The following CLCA4 variants were observed in gnomAD, a reference collection of about 807,000 sequenced individuals.
CLCA4 encodes chloride channel accessory 4.
CLCA4 carries 69 observed loss-of-function variants against 78.9 expected under a neutral mutation model. That is an observed-to-expected ratio of 0.87 (90% CI 0.72 to 1.07). CLCA4 has a LOEUF of 1.07. Ranked by LOEUF, CLCA4 falls within the 50% of genes least tolerant of loss-of-function variation. CLCA4 has a pLI of 0.00. For missense variants in CLCA4, 1,133 were observed against 1,095.8 expected (o/e 1.03, Z -0.48); for synonymous variants, 362 against 375.8 (o/e 0.96, Z 0.42).
intron 9 of CLCA4, chr1:86,572,979 T>C: frequency 2.5e-6 from 1 of 398,460 alleles, no homozygotes; most frequent in South Asian, 2.8e-5. Context: ...CATTACAATG[T>C]TATAATGTCA....
chr1:86,560,467 C>A, intron 3 of CLCA4, 109 bp downstream of exon 3: 1 of 1,083,528 alleles, frequency 9.2e-7, no homozygotes, highest in Non-Finnish European at 1.3e-6. Context: ...CAAATCCTGG[C>A]TCCCCTACTT....
rs569702170 is a variant in CLCA4 at position 86,568,037 on chromosome 1, T to C, written c.1182+386T>C. On this transcript the variant is annotated intron_variant, in intron 7 of 13. Coordinates refer to ENST00000370563, the MANE Select transcript of CLCA4 (RefSeq NM_012128.4). Reference sequence around the variant, plus strand: ...GATTCTACTTCAAGCTAGTTCTCATTTGAGTTTCTGTAACATTCAGCTAGG... The same window carrying C: ...GATTCTACTTCAAGCTAGTTCTCATCTGAGTTTCTGTAACATTCAGCTAGG... 6.6e-4 allele frequency among the ~76,000 whole-genome samples: 101 copies of C among 152,094 alleles called. 2 individuals carry two copies. The South Asian group carries it at 8.7e-3, about 13-fold the overall frequency.
intron 1 of CLCA4, among the ~76,000 whole-genome samples, chr1:86,550,814 G>A (rs1649632691): frequency 6.6e-6 from 1 of 150,612 alleles, no homozygotes; most frequent in African/African-American, 2.4e-5. Context: ...AGATAATAAG[G>A]TCTAGGGAGG....
In CLCA4 at chr1:86,575,416, T is replaced by C. The variant is rs1409665716; in HGVS notation, c.1768T>C (p.Ser590Pro). Residue 590 changes from serine to proline, a missense_variant, in exon 11 of 14, where the codon TCT becomes CCT. Transcript: ENST00000370563. ...AGTAACTTCTCGAGCAGCAAATTCTTCTGTGCCTCCAATCACAGTGAATGC... is the reference window on the plus strand; with the variant it reads ...AGTAACTTCTCGAGCAGCAAATTCTCCTGTGCCTCCAATCACAGTGAATGC... ...ITVTSRAANS[S>P]VPPITVNAKM... 1 of 1,613,454 alleles carries C rather than the reference T, an allele frequency of 6.2e-7. No homozygotes were observed. The highest frequency in any genetic ancestry group is 1.7e-5 in the Admixed American group (1 of 59,946).
At chr1:86,547,763 C>T (rs1012322921) in intron 1 of CLCA4, among the ~76,000 whole-genome samples, 2 of 152,110 alleles carry the variant, frequency 1.3e-5, no homozygotes, top group Non-Finnish European at 2.9e-5. Context: ...ATAATGTCCT[C>T]CATGCTCATC....
chr1:86,559,836 G>A (rs1649959736), intron 1 of CLCA4, 96 bp from the exon 2 acceptor site: 4 of 944,820 alleles, frequency 4.2e-6, no homozygotes, highest in Admixed American at 2.4e-5. Context: ...TTGCTTTTCT[G>A]TCCACTCTTA....
intron 4 of CLCA4, among the ~76,000 whole-genome samples, chr1:86,564,355 A>G (rs1342903323): frequency 6.6e-6 from 1 of 152,128 alleles, no homozygotes; most frequent in Non-Finnish European, 1.5e-5. Context: ...CTAATGTGAG[A>G]ACTGAAAGGT....
intron 12 of CLCA4, among the ~76,000 whole-genome samples, chr1:86,578,429 AT>A (rs1202806675): frequency 1.3e-5 from 2 of 151,826 alleles, no homozygotes; most frequent in African/African-American, 4.8e-5. Context: ...CCCAATAGTT[AT>A]TTTTTCTGAC....
chr1:86,573,647 A>C (rs709803), intron 9 of CLCA4, among the ~76,000 whole-genome samples: 107,835 of 151,804 alleles, frequency 0.71, 38,676 homozygotes, highest in South Asian at 0.85. Flanking sequence ...TGCAGATATA[A>C]CCTGCAAACA....
At chr1:86,562,579 G>C (rs767207406) in intron 3 of CLCA4, among the ~76,000 whole-genome samples, 8 of 151,306 alleles carry the variant, frequency 5.3e-5, no homozygotes, top group Non-Finnish European at 1.2e-4. Flanking sequence ...TGACGGCTGG[G>C]CAAGGTGGCT....
chr1:86,580,305 CT>C lies in CLCA4; in HGVS notation c.2721del (p.Val908LeufsTer2), dbSNP rs752871417. The C allele has an allele frequency of 6.2e-7, 1 of 1,605,590 alleles. No individual in the cohort carries two copies. Among genetic ancestry groups the C allele is most frequent in the Non-Finnish European group, 8.5e-7 (1 of 1,177,302 alleles). Reference sequence around the variant, plus strand: ...ACGCTGGTATTGTCTGTGATTGGGTCTGTTGTAATTGTTAACTTTATTTTAA... The same window carrying C: ...ACGCTGGTATTGTCTGTGATTGGGTCGTTGTAATTGTTAACTTTATTTTAA... ...ISTLVLSVIGSVVIVNFILST... is the reference protein window; with the variant it reads ...ISTLVLSVIGXVVIVNFILST... On this transcript the variant is annotated frameshift_variant, in exon 14 of 14. Transcript: ENST00000370563. LOFTEE classifies it low-confidence loss of function (END_TRUNC).
intron 9 of CLCA4, 116 bp downstream of exon 9, chr1:86,572,836 C>A (rs1488930182): frequency 1.4e-6 from 1 of 705,548 alleles, no homozygotes. Flanking sequence ...TAATTAAAAT[C>A]TAAACTTTAA....
At chr1:86,562,217 A>G (rs987675451) in intron 3 of CLCA4, among the ~76,000 whole-genome samples, 2 of 152,240 alleles carry the variant, frequency 1.3e-5, no homozygotes, top group African/African-American at 4.8e-5. Context: ...TAAGGTGGGC[A>G]TGGGAGGCAG....
intron 11 of CLCA4, among the ~76,000 whole-genome samples, chr1:86,576,357 G>C (rs1650521946): frequency 6.6e-6 from 1 of 151,788 alleles, no homozygotes; most frequent in African/African-American, 2.4e-5. Context: ...TAGAGAAAAG[G>C]TCAACAAAAG....
In CLCA4 at chr1:86,579,948, G is replaced by C. The variant is rs374250322; in HGVS notation, c.2363G>C (p.Arg788Pro). The change falls in exon 14 of 14, where the codon CGT (arginine) becomes CCT (proline). Residue 788 changes from arginine (R) to proline (P), a missense_variant. Arg to Pro is a moderately radical substitution (Grantham distance 103). Coordinates refer to ENST00000370563, the MANE Select transcript of CLCA4 (RefSeq NM_012128.4). ...TGTAACTTTTTTTTCTCAGTTCAAC[G>C]TTATATCATAAGAATAAGTGCAAGT... ...GDNFDVGKVQ[R>P]YIIRISASIL... The C allele has an allele frequency of 1.3e-6, 2 of 1,576,658 alleles. No individual in the cohort carries two copies. Among genetic ancestry groups the C allele is most frequent in the South Asian group, 1.2e-5 (1 of 85,866 alleles).
intron 12 of CLCA4, 30 bp from the exon 13 acceptor site, chr1:86,579,324 C>T (rs1650631495): frequency 6.6e-7 from 1 of 1,525,280 alleles, no homozygotes; most frequent in Non-Finnish European, 9.1e-7. Context: ...GTAGTTTTGC[C>T]CATTATAAAC....
intron 7 of CLCA4, among the ~76,000 whole-genome samples, chr1:86,570,724 A>G (rs1392000755): frequency 6.6e-6 from 1 of 152,070 alleles, no homozygotes; most frequent in Non-Finnish European, 1.5e-5. Context: ...AGTCCAGTCA[A>G]AGAAAACATA....
At position 86,547,289 on chromosome 1, in the gene CLCA4, A is replaced by C; in HGVS notation, c.159+11A>C. The C allele has an allele frequency of 6.4e-7, 1 of 1,552,876 alleles. No individual in the cohort carries two copies. Among genetic ancestry groups the C allele is most frequent in the Non-Finnish European group, 8.7e-7 (1 of 1,152,730 alleles). Reference sequence around the variant, plus strand: ...ATTGAACAAATAGAGGTAAGAACAAAATGGAATATCTTTCATTAATTTTTA... The same window carrying C: ...ATTGAACAAATAGAGGTAAGAACAACATGGAATATCTTTCATTAATTTTTA... On this transcript the variant is annotated intron_variant, in intron 1 of 13. Coordinates refer to ENST00000370563, the MANE Select transcript of CLCA4 (RefSeq NM_012128.4).
rs773749067 is a variant in CLCA4, at chr1:86,567,604, C to T, written c.1135C>T (p.Pro379Ser). The T allele has an allele frequency of 1.1e-5, 17 of 1,612,806 alleles. No homozygotes were observed. Among genetic ancestry groups the T allele is most frequent in the Non-Finnish European group, 1.4e-5 (17 of 1,179,252 alleles). The change falls in exon 7 of 14, where the codon CCT (proline) becomes TCT (serine). Residue 379 changes from proline to serine, a missense_variant. Transcript: ENST00000370563. Reference sequence around the variant, plus strand: ...ACTCATGGCAGGATTACCTACATATCCTCTGGGAGGAACTTCCATCTGCTC... The same window carrying T: ...ACTCATGGCAGGATTACCTACATATTCTCTGGGAGGAACTTCCATCTGCTC... Reference protein sequence around the residue: ...NTLMAGLPTYPLGGTSICSGI... With the variant: ...NTLMAGLPTYSLGGTSICSGI...
Sources: allele counts gnomAD v4.1 joint callset (sites outside exome capture counted in the v4.1 genomes callset), GRCh38; gene constraint gnomAD v4.1.1; transcripts MANE v1.5; gene names NCBI Gene and HGNC (gene_info 2026-07-23, HGNC 2026-07-21).